CEP112: variants seen among roughly 807,000 people sequenced by gnomAD.
CEP112 encodes centrosomal protein of 112 kDa.
A neutral mutation model predicts 153.0 loss-of-function variants in CEP112; 127 were observed. The ratio of observed to expected loss-of-function variants is 0.83; its 90% CI spans 0.72 to 0.96. CEP112 has a LOEUF of 0.96. CEP112 is among the 40% of genes least tolerant of loss of function. The pLI is 0.00. For synonymous variants in CEP112, 358 were observed against 374.4 expected (o/e 0.96, Z 0.51); for missense variants, 1,089 against 1,101.2 (o/e 0.99, Z 0.16).
chr17:65,808,126 G>T (rs1229202595), intron 21 of CEP112, among the ~76,000 whole-genome samples: 2 of 152,252 alleles, frequency 1.3e-5, no homozygotes, highest in Non-Finnish European at 2.9e-5. Flanking sequence ...ATGAGACATG[G>T]ATTCAAAGGA....
At chr17:65,853,264 C>G (rs1214418508) in intron 20 of CEP112, among the ~76,000 whole-genome samples, 1 of 151,872 alleles carries the variant, frequency 6.6e-6, no homozygotes, top group Non-Finnish European at 1.5e-5. Flanking sequence ...AGTCACTGTG[C>G]CTTGGTGTGT....
At position 66,016,193 on chromosome 17, in the gene CEP112, C is replaced by A. The variant is rs962982023; in HGVS notation, c.1657-10424G>T. 2.6e-5 allele frequency among the ~76,000 whole-genome samples: 4 copies of A among 152,272 alleles called. No individual in the cohort carries two copies. In the East Asian group the frequency reaches 5.8e-4, roughly 22 times the overall value. On this transcript the variant is annotated intron_variant, in intron 16 of 26. Transcript: ENST00000535342. ...TTAAACATTTTCTTCCGGAGTAACA[C>A]ATTTTCAGGAGAAACTCCTTCCTCT...
intron 12 of CEP112, among the ~76,000 whole-genome samples, chr17:66,049,185 T>C (rs947052250): frequency 2.9e-4 from 44 of 152,264 alleles, no homozygotes; most frequent in African/African-American, 1.0e-3. Context: ...CAGACTCTAA[T>C]TGACCAAAAC....
intron 4 of CEP112, among the ~76,000 whole-genome samples, chr17:66,142,539 T>C (rs2070748054): frequency 6.6e-6 from 1 of 152,202 alleles, no homozygotes. Context: ...TGGTGCAAGA[T>C]AAGGGCCAAA....
At chr17:66,055,100 A>G (rs2066625263) in intron 11 of CEP112, among the ~76,000 whole-genome samples, 1 of 152,116 alleles carries the variant, frequency 6.6e-6, no homozygotes, top group African/African-American at 2.4e-5. Flanking sequence ...TAGGGAAGAG[A>G]GAAAGGACAA....
chr17:65,726,687 A>G (rs1256794760), intron 23 of CEP112, among the ~76,000 whole-genome samples: 1 of 152,192 alleles, frequency 6.6e-6, no homozygotes, highest in Non-Finnish European at 1.5e-5. Flanking sequence ...TAGTCATACG[A>G]CGTTTTCAGA....
At chr17:65,756,630 A>G (rs1478498007) in intron 21 of CEP112, among the ~76,000 whole-genome samples, 2 of 152,150 alleles carry the variant, frequency 1.3e-5, no homozygotes, top group Admixed American at 6.5e-5. Flanking sequence ...TCTGGATTAA[A>G]GGAAATTCAG....
intron 24 of CEP112, chr17:65,655,528 G>C (rs1403355362): frequency 1.6e-5 from 9 of 555,204 alleles, no homozygotes; most frequent in South Asian, 1.4e-4. Context: ...ATTGGGTTGA[G>C]AGGAAAGTAA....
chr17:66,018,368 A>G (rs1397407259), intron 16 of CEP112, among the ~76,000 whole-genome samples: 1 of 151,648 alleles, frequency 6.6e-6, no homozygotes, highest in East Asian at 1.9e-4. Flanking sequence ...TTGTGTAGAT[A>G]AGAAAGAGAT....
chr17:65,931,886 G>A (rs1307793550), intron 18 of CEP112, among the ~76,000 whole-genome samples: 1 of 152,190 alleles, frequency 6.6e-6, no homozygotes, highest in Non-Finnish European at 1.5e-5. Context: ...ACACATAATT[G>A]TGGGCATAGC....
At position 65,695,868 on chromosome 17, in the gene CEP112, G is replaced by A. The variant is rs558411634; in HGVS notation, c.2608-6650C>T. On this transcript the variant is annotated intron_variant, in intron 23 of 26. Coordinates refer to ENST00000535342, the MANE Select transcript of CEP112 (RefSeq NM_001199165.4). The stretch of plus-strand genomic sequence containing the variant: ...CTTAGTACCCTTTTCCCAACAGGCT[G>A]TCTAAGCGTATAAATTGGTCTTCAG... Among the ~76,000 whole-genome samples, 265 of 152,288 alleles carry A rather than the reference G, an allele frequency of 1.7e-3. 2 individuals are homozygous for A. The highest frequency in any genetic ancestry group is 6.1e-3 in the African/African-American group (252 of 41,562).
At chr17:66,037,088 G>A (rs1026130793) in intron 12 of CEP112, among the ~76,000 whole-genome samples, 1 of 152,014 alleles carries the variant, frequency 6.6e-6, no homozygotes, top group Admixed American at 6.5e-5. Context: ...ACTCATGAAT[G>A]GGATATTATA....
At chr17:65,795,914 C>T (rs146548499) in intron 21 of CEP112, among the ~76,000 whole-genome samples, 285 of 152,252 alleles carry the variant, frequency 1.9e-3, no homozygotes, top group African/African-American at 6.4e-3. Flanking sequence ...GCCCAACCCC[C>T]TGAGTAAGGC....
chr17:66,143,898 T>C (rs2146630574), intron 4 of CEP112, among the ~76,000 whole-genome samples: 1 of 152,342 alleles, frequency 6.6e-6, no homozygotes, highest in South Asian at 2.1e-4. Flanking sequence ...AGAACTGCTA[T>C]AAACTATCAT....
At chr17:66,174,164 G>A (rs897000719) in intron 4 of CEP112, among the ~76,000 whole-genome samples, 6 of 152,024 alleles carry the variant, frequency 3.9e-5, no homozygotes, top group East Asian at 1.9e-4. Context: ...TCCTGACCTC[G>A]TGATCCGCCC....
intron 21 of CEP112, among the ~76,000 whole-genome samples, chr17:65,771,215 A>C (rs532775730): frequency 6.6e-6 from 1 of 152,258 alleles, no homozygotes; most frequent in East Asian, 1.9e-4. Flanking sequence ...ATCATAAGAA[A>C]AGTGGAGTCA....
At chr17:66,102,568 T>C (rs899467073) in intron 6 of CEP112, among the ~76,000 whole-genome samples, 33 of 150,936 alleles carry the variant, frequency 2.2e-4, no homozygotes, top group Admixed American at 1.3e-3. Flanking sequence ...GAGGCCGAGG[T>C]GGGCAGATCA....
At chr17:65,744,294 C>T (rs2051311928) in intron 22 of CEP112, among the ~76,000 whole-genome samples, 1 of 151,888 alleles carries the variant, frequency 6.6e-6, no homozygotes, top group Non-Finnish European at 1.5e-5. Context: ...TGCTCTGTTA[C>T]CCAGGCTGGA....
intron 4 of CEP112, among the ~76,000 whole-genome samples, chr17:66,160,071 A>G (rs1317091269): frequency 6.6e-6 from 1 of 152,242 alleles, no homozygotes; most frequent in East Asian, 1.9e-4. Flanking sequence ...GAGCCAAATC[A>G]TGAGTGAATT....
Sources: allele counts gnomAD v4.1 joint callset (sites outside exome capture counted in the v4.1 genomes callset), GRCh38; gene constraint gnomAD v4.1.1; transcripts MANE v1.5; gene names NCBI Gene and HGNC (gene_info 2026-07-23, HGNC 2026-07-21).